SPEG: variants seen among roughly 807,000 people sequenced by gnomAD.
SPEG encodes striated muscle preferentially expressed protein kinase.
In SPEG, 114 loss-of-function variants were observed where a neutral mutation model predicts 300.4. That is an observed-to-expected ratio of 0.38 (90% CI 0.33 to 0.44). The LOEUF (loss-of-function observed/expected upper bound fraction) is 0.44, where lower values mean the gene tolerates loss of function less well. SPEG is among the 20% of genes least tolerant of loss of function. The pLI, the probability that SPEG is intolerant of heterozygous loss-of-function variation, is 1.00. For synonymous variants in SPEG, 1,964 were observed against 2,018.9 expected (o/e 0.97, Z 0.73); for missense variants, 4,201 against 4,586.2 (o/e 0.92, Z 2.43).
At position 219,478,097 on chromosome 2, in the gene SPEG, C is replaced by T. The variant is rs1019798275; in HGVS notation, c.5019C>T (p.Val1673=). ...AFERRRGLVI[V]TELCTEELLE... ...AGAGGCGCCGGGGACTGGTCATTGT[C>T]ACCGAGCTGTATCCTGGGACAGGCT... is the stretch of plus-strand genomic sequence containing the variant. Residue 1673 remains valine (V), a synonymous_variant, in exon 22 of 41, where the codon GTC becomes GTT. Transcript: ENST00000312358. The T allele has an allele frequency of 6.2e-7, 1 of 1,613,624 alleles. No individual in the cohort carries two copies. Among genetic ancestry groups the T allele is most frequent in the African/African-American group, 1.3e-5 (1 of 74,924 alleles).
rs2125303907 is a variant in SPEG, at chr2:219,451,006, A to G, written c.2114-130A>G. The G allele has an allele frequency of 1.1e-6, 1 of 921,974 alleles. No homozygotes were observed. 57.1% of individuals were successfully genotyped at this position (921,974 alleles called of 1,614,324 possible). A position where few individuals can be genotyped will look rare whatever the true frequency, so the allele number is the denominator to read the frequency against. On this transcript the variant is annotated intron_variant, in intron 4 of 40. Coordinates refer to ENST00000312358, the MANE Select transcript of SPEG (RefSeq NM_005876.5). This position sits in a 1 kb window ranked among gnomAD's most constrained non-coding sequence, Gnocchi z 6.4. The stretch of plus-strand genomic sequence containing the variant: ...CAGGAGGCAGACCCTCTTCTCCCCA[A>G]GTCCCTGCTTTCTAGAAGCCCCTCT...
chr2:219,444,504 G>A lies in SPEG; in HGVS notation c.389-149G>A. On this transcript the variant is annotated intron_variant, in intron 1 of 40. Transcript: ENST00000312358. This position sits in a 1 kb window ranked among gnomAD's most constrained non-coding sequence, Gnocchi z 7.8. The stretch of plus-strand genomic sequence containing the variant: ...TATCCTGAGCAGCCCAGGCTGGGCA[G>A]GGGATGTGGGGAGCAAAAGAGAGGA... The A allele has an allele frequency of 1.5e-6, 1 of 671,252 alleles. No individual in the cohort carries two copies. Among genetic ancestry groups the A allele is most frequent in the Non-Finnish European group, 2.6e-6 (1 of 379,830 alleles). 41.6% of individuals were successfully genotyped at this position (671,252 alleles called of 1,614,324 possible). A position where few individuals can be genotyped will look rare whatever the true frequency, so the allele number is the denominator to read the frequency against.
Position 219,492,185 on chromosome 2 carries a change from A to G in SPEG, c.9536A>G (p.Asp3179Gly). Reference sequence around the variant, plus strand: ...GCTCGGATTGTGGGGGGCCGCTTTGATGCCTTCCAGCTGTACCCCAATACA... The same window carrying G: ...GCTCGGATTGTGGGGGGCCGCTTTGGTGCCTTCCAGCTGTACCCCAATACA... ...TEARIVGGRFDAFQLYPNTSQ... is the reference protein window; with the variant it reads ...TEARIVGGRFGAFQLYPNTSQ... The change falls in exon 40 of 41, where the codon GAT becomes GGT. Residue 3179 changes from aspartate (D) to glycine (G), a missense_variant. Physicochemically the swap from Asp to Gly is moderately conservative, Grantham distance 94 (BLOSUM62 -1). This residue lies in a region of SPEG where 318 missense variants were observed against 429.5 expected (regional missense o/e 0.74). Transcript: ENST00000312358. 6.2e-7 allele frequency: 1 copy of G among 1,613,632 alleles called. No individual in the cohort carries two copies. The highest frequency in any genetic ancestry group is 8.5e-7 in the Non-Finnish European group (1 of 1,179,880).
chr2:219,451,397 C>G lies in SPEG; in HGVS notation c.2257+118C>G. ...GGGTGGGAAAGAGGGGAATTATCCCCTCCACGGGGGCTGCCCTGACTTGGG... is the reference window on the plus strand; with the variant it reads ...GGGTGGGAAAGAGGGGAATTATCCCGTCCACGGGGGCTGCCCTGACTTGGG... On this transcript the variant is annotated intron_variant, in intron 5 of 40. Coordinates refer to ENST00000312358, the MANE Select transcript of SPEG (RefSeq NM_005876.5). The surrounding 1 kb of genome is among the most constrained non-coding windows in gnomAD (Gnocchi z 6.4). 1 of 1,371,582 alleles carries G rather than the reference C, an allele frequency of 7.3e-7. No individual in the cohort carries two copies. The highest frequency in any genetic ancestry group is 9.7e-7 in the Non-Finnish European group (1 of 1,032,188). The allele number at this position is 1,371,582 out of a possible 1,614,324, so 85.0% of individuals were successfully genotyped here.
chr2:219,484,262 G>C lies in SPEG; in HGVS notation c.6799G>C (p.Ala2267Pro). 6.2e-7 allele frequency: 1 copy of C among 1,609,986 alleles called. No individual in the cohort carries two copies. The highest frequency in any genetic ancestry group is 1.7e-5 in the Admixed American group (1 of 59,982). The change falls in exon 30 of 41, where the codon GCG becomes CCG. Residue 2267 changes from alanine to proline, a missense_variant. Coordinates refer to ENST00000312358, the MANE Select transcript of SPEG (RefSeq NM_005876.5). ...CCAGGGCCCCTCGCAGGGCCCTGCCGCGCCGCCTTCAGAGCCCAAGCCCCA... is the reference window on the plus strand; with the variant it reads ...CCAGGGCCCCTCGCAGGGCCCTGCCCCGCCGCCTTCAGAGCCCAAGCCCCA... ...HAQGPSQGPA[A>P]PPSEPKPHAA...
At position 219,473,954 on chromosome 2, in the gene SPEG, T is replaced by G; in HGVS notation, c.4447+51T>G. 17 of 1,553,800 alleles carry G rather than the reference T, an allele frequency of 1.1e-5. No homozygotes were observed. Among genetic ancestry groups the G allele is most frequent in the Non-Finnish European group, 1.5e-5 (17 of 1,149,580 alleles). ...AGCCTCCCTCCAAGGCCCAAAGCTC[T>G]CTACTCACACCCCCAGGTACACAAC... is the stretch of plus-strand genomic sequence containing the variant. On this transcript the variant is annotated intron_variant, in intron 18 of 40. Coordinates refer to ENST00000312358, the MANE Select transcript of SPEG (RefSeq NM_005876.5). This position sits in a 1 kb window ranked among gnomAD's most constrained non-coding sequence, Gnocchi z 4.6.
At chr2:219,462,082 A>T in intron 7 of SPEG, 25 bp downstream of exon 7, 1 of 1,571,284 alleles carries the variant, frequency 6.4e-7, no homozygotes, top group African/African-American at 1.4e-5. Context: ...GCTGGGGCCT[A>T]GCCTCCTGTG....
At chr2:219,453,306 C>T (rs905599429) in intron 6 of SPEG, among the ~76,000 whole-genome samples, 1 of 152,254 alleles carries the variant, frequency 6.6e-6, no homozygotes, top group African/African-American at 2.4e-5. Flanking sequence ...GGCATAGAAC[C>T]TCCTGAGCTT....
intron 22 of SPEG, among the ~76,000 whole-genome samples, chr2:219,478,554 G>A (rs1692548254): frequency 6.6e-6 from 1 of 152,152 alleles, no homozygotes; most frequent in South Asian, 2.1e-4. Flanking sequence ...GCTTTATTTA[G>A]AGGCTGTTTT....
At position 219,439,045 on chromosome 2, in the gene SPEG, G is replaced by C. The variant is rs559440961; in HGVS notation, c.388+3680G>C. Among the ~76,000 whole-genome samples the C allele has an allele frequency of 6.6e-6, 1 of 152,316 alleles. No homozygotes were observed. Among genetic ancestry groups the C allele is most frequent in the East Asian group, 1.9e-4 (1 of 5,188 alleles). Reference sequence around the variant, plus strand: ...GCATGCCAAGTGCTGACCAGTGAGCGGAGGAGAGGCCAGAGTGGGAGCAGA... The same window carrying C: ...GCATGCCAAGTGCTGACCAGTGAGCCGAGGAGAGGCCAGAGTGGGAGCAGA... On this transcript the variant is annotated intron_variant, in intron 1 of 40. Coordinates refer to ENST00000312358, the MANE Select transcript of SPEG (RefSeq NM_005876.5). The surrounding 1 kb of genome is among the most constrained non-coding windows in gnomAD (Gnocchi z 4.5).
intron 15 of SPEG, 84 bp downstream of exon 15, chr2:219,472,415 C>T (rs888147148): frequency 2.4e-6 from 3 of 1,239,324 alleles, no homozygotes; most frequent in Non-Finnish European, 3.5e-6. Flanking sequence ...GGGCCAGGCC[C>T]CAGAAGCGGA....
intron 31 of SPEG, among the ~76,000 whole-genome samples, chr2:219,486,881 TTG>T (rs1037310894): frequency 1.3e-5 from 2 of 152,086 alleles, no homozygotes; most frequent in Non-Finnish European, 2.9e-5. Context: ...TCACATTGCC[TTG>T]TTGGAACCTC....
At chr2:219,453,360 C>G (rs1366106814) in intron 6 of SPEG, among the ~76,000 whole-genome samples, 1 of 152,234 alleles carries the variant, frequency 6.6e-6, no homozygotes, top group Non-Finnish European at 1.5e-5. Flanking sequence ...ACCGTCCTCA[C>G]GGATGAAAGC....
chr2:219,476,959 C>T lies in SPEG; in HGVS notation c.4537C>T (p.Leu1513=). 1 of 1,611,688 alleles carries T rather than the reference C, an allele frequency of 6.2e-7. No individual in the cohort carries two copies. Among genetic ancestry groups the T allele is most frequent in the East Asian group, 2.2e-5 (1 of 44,842 alleles). The change falls in exon 19 of 41, where the codon CTG becomes TTG. Residue 1513 remains leucine, a synonymous_variant. Coordinates refer to ENST00000312358, the MANE Select transcript of SPEG (RefSeq NM_005876.5). ...TGCGGTGGTGGTCGAGGGAAAACCA[C>T]TGCCGGACATCATGTGGTACAAGGT... is the stretch of plus-strand genomic sequence containing the variant. ...RFAVVVEGKP[L]PDIMWYKDEV...
At position 219,489,321 on chromosome 2, in the gene SPEG, TTCTC is replaced by T. The variant is rs776266238; in HGVS notation, c.8318-7_8318-4del. 10 of 1,613,302 alleles carry T rather than the reference TTCTC, an allele frequency of 6.2e-6. No homozygotes were observed. Among genetic ancestry groups the T allele is most frequent in the Non-Finnish European group, 5.9e-6 (7 of 1,179,756 alleles). On this transcript the variant is annotated splice_polypyrimidine_tract_variant and intron_variant, in intron 35 of 40. Coordinates refer to ENST00000312358, the MANE Select transcript of SPEG (RefSeq NM_005876.5). ...GCCCCAAGGCACCACGGTGATGATT[TTCTC>T]TCTCTCTTAGATTCTTCAGCTGTGC...
rs1436905322 is a variant in SPEG, at chr2:219,449,118, C to T, written c.1960C>T (p.Pro654Ser). ...ATPGLEGAAV[P>S]QTLEKNRAGP... ...GCCGGGCCTGGAGGGCGCTGCTGTA[C>T]CCCAGACCTTGGAGAAGAACAGGGC... The change falls in exon 4 of 41, where the codon CCC becomes TCC. Residue 654 changes from proline (P) to serine (S), a missense_variant. Pro to Ser is a moderately conservative substitution (Grantham distance 74). This residue lies in a region of SPEG where 1,258 missense variants were observed against 1,293.9 expected (regional missense o/e 0.97). Coordinates refer to ENST00000312358, the MANE Select transcript of SPEG (RefSeq NM_005876.5). 2.1e-6 allele frequency: 3 copies of T among 1,463,154 alleles called. No individual in the cohort carries two copies. Among genetic ancestry groups the T allele is most frequent in the African/African-American group, 1.5e-5 (1 of 66,930 alleles). 90.6% of individuals were successfully genotyped at this position (1,463,154 alleles called of 1,614,324 possible). A position where few individuals can be genotyped will look rare whatever the true frequency, so the allele number is the denominator to read the frequency against.
At chr2:219,441,977 C>T (rs1688948496) in intron 1 of SPEG, 2 of 369,586 alleles carry the variant, frequency 5.4e-6, no homozygotes, top group Non-Finnish European at 4.5e-6. Flanking sequence ...TCGCCCCCGG[C>T]CCCGCCTCCG....
In SPEG at chr2:219,444,789, A is replaced by AG. The variant is rs1473492541; in HGVS notation, c.479-32dup. ...AGAGCAGGCAGGCGGGTTTTCCATA[A>AG]GGGGTGCCTCAGTCTCACGGTGCTC... On this transcript the variant is annotated intron_variant, in intron 2 of 40. Transcript: ENST00000312358. The surrounding 1 kb of genome is among the most constrained non-coding windows in gnomAD (Gnocchi z 7.8). 1 of 1,611,654 alleles carries AG rather than the reference A, an allele frequency of 6.2e-7. No homozygotes were observed. Among genetic ancestry groups the AG allele is most frequent in the Non-Finnish European group, 8.5e-7 (1 of 1,178,380 alleles).
intron 6 of SPEG, among the ~76,000 whole-genome samples, chr2:219,455,618 T>C (rs1382849463): frequency 6.6e-6 from 1 of 152,184 alleles, no homozygotes; most frequent in East Asian, 1.9e-4. Flanking sequence ...CTCCTAACCA[T>C]GACACTATCC....
Sources: allele counts gnomAD v4.1 joint callset (sites outside exome capture counted in the v4.1 genomes callset), GRCh38; gene constraint gnomAD v4.1.1; regional missense constraint gnomAD v4.1.1; non-coding constraint Gnocchi (gnomAD v3.1); transcripts MANE v1.5; gene names NCBI Gene and HGNC (gene_info 2026-07-23, HGNC 2026-07-21).